CACNG2: variants seen among roughly 807,000 people sequenced by gnomAD.
The protein encoded by CACNG2 is voltage-dependent calcium channel gamma-2 subunit.
In CACNG2, 3 loss-of-function variants were observed where a neutral mutation model predicts 25.9. The observed-to-expected ratio is 0.12, with a 90% CI of 0.05 to 0.30. The LOEUF is 0.30. CACNG2 is among the 10% of genes least tolerant of loss of function. CACNG2 has a pLI of 1.00. For synonymous variants in CACNG2, 167 were observed against 173.3 expected (o/e 0.96, Z 0.29); for missense variants, 341 against 432.5 (o/e 0.79, Z 1.88).
intron 1 of CACNG2, among the ~76,000 whole-genome samples, chr22:36,679,181 C>CTTT (rs1569049785): frequency 1.6e-5 from 2 of 127,128 alleles, no homozygotes; most frequent in African/African-American, 7.2e-5. Flanking sequence ...TTCCTTCCTT[C>CTTT]CTTCCTTCCT....
chr22:36,664,233 C>T (rs1354882623), intron 1 of CACNG2, among the ~76,000 whole-genome samples: 1 of 152,140 alleles, frequency 6.6e-6, no homozygotes, highest in Admixed American at 6.5e-5. Context: ...GACACACACA[C>T]ACACCCATAC....
chr22:36,665,465 T>C, intron 1 of CACNG2, among the ~76,000 whole-genome samples: 1 of 152,218 alleles, frequency 6.6e-6, no homozygotes, highest in Non-Finnish European at 1.5e-5. Context: ...TGAGCTGCTT[T>C]CATTATTTTA....
intron 1 of CACNG2, among the ~76,000 whole-genome samples, chr22:36,619,224 A>T (rs2283992): frequency 0.53 from 80,521 of 152,034 alleles, 23,321 homozygotes; most frequent in Non-Finnish European, 0.64. Context: ...CTGCACTAGG[A>T]TTTCTCAAAT....
intron 2 of CACNG2, among the ~76,000 whole-genome samples, chr22:36,580,527 T>C (rs1052097761): frequency 1.3e-5 from 2 of 152,084 alleles, no homozygotes; most frequent in Non-Finnish European, 1.5e-5. Context: ...TGTGGCCTGG[T>C]GATCCCCCCA....
chr22:36,679,974 TATC>T (rs1325549898), intron 1 of CACNG2, among the ~76,000 whole-genome samples: 3 of 151,518 alleles, frequency 2.0e-5, no homozygotes, highest in Non-Finnish European at 4.4e-5. Context: ...TCACAATCAT[TATC>T]ATCACCATCA....
intron 1 of CACNG2, among the ~76,000 whole-genome samples, chr22:36,668,361 T>A (rs1175303072): frequency 6.6e-6 from 1 of 152,206 alleles, no homozygotes; most frequent in African/African-American, 2.4e-5. Context: ...AGCGGAGACT[T>A]ATTACAGGAA....
At chr22:36,597,151 T>C (rs762144632) in intron 1 of CACNG2, among the ~76,000 whole-genome samples, 2 of 152,194 alleles carry the variant, frequency 1.3e-5, no homozygotes, top group Non-Finnish European at 2.9e-5. Context: ...GCCTCCCAAG[T>C]AGCTGGGATT....
chr22:36,689,283 T>C (rs1468928628), intron 1 of CACNG2, among the ~76,000 whole-genome samples: 1 of 152,160 alleles, frequency 6.6e-6, no homozygotes, highest in East Asian at 1.9e-4. Context: ...TCTCAGTCCC[T>C]GGGCTATGGC....
At chr22:36,566,620 G>T in intron 2 of CACNG2, 127 bp from the exon 3 acceptor site, 2 of 1,029,702 alleles carry the variant, frequency 1.9e-6, no homozygotes, top group Non-Finnish European at 3.0e-6. Context: ...AGGAGAGGTT[G>T]CTTTGCAATC....
intron 1 of CACNG2, among the ~76,000 whole-genome samples, chr22:36,665,279 C>T (rs1936860444): frequency 6.6e-6 from 1 of 152,192 alleles, no homozygotes; most frequent in African/African-American, 2.4e-5. Context: ...CTGCTCTGTT[C>T]CTTCCTATGT....
At chr22:36,689,077 C>T (rs1481735316) in intron 1 of CACNG2, among the ~76,000 whole-genome samples, 2 of 152,144 alleles carry the variant, frequency 1.3e-5, no homozygotes, top group Non-Finnish European at 2.9e-5. Flanking sequence ...CCTTTAGGAC[C>T]TCTTTCCTGA....
intron 1 of CACNG2, among the ~76,000 whole-genome samples, chr22:36,603,796 A>G (rs1308630630): frequency 1.3e-5 from 2 of 152,224 alleles, no homozygotes; most frequent in Admixed American, 6.5e-5. Flanking sequence ...TCCAAATATT[A>G]CTGCTCATTT....
chr22:36,564,950 G>C lies in CACNG2; in HGVS notation c.437-64C>G. 6.8e-7 allele frequency: 1 copy of C among 1,471,966 alleles called. No homozygotes were observed. Among genetic ancestry groups the C allele is most frequent in the South Asian group, 1.1e-5 (1 of 88,318 alleles). 91.2% of individuals were successfully genotyped at this position (1,471,966 alleles called of 1,614,324 possible). Reference sequence around the variant, plus strand: ...AAGGACGTTAGTTTCTCAGGAAGTCGGCCACAGGGCAGCCGTAAAGGACGG... The same window carrying C: ...AAGGACGTTAGTTTCTCAGGAAGTCCGCCACAGGGCAGCCGTAAAGGACGG... On this transcript the variant is annotated intron_variant, in intron 3 of 3. Coordinates refer to ENST00000300105, the MANE Select transcript of CACNG2 (RefSeq NM_006078.5). The surrounding 1 kb of genome is among the most constrained non-coding windows in gnomAD (Gnocchi z 6.7).
chr22:36,564,218 GTTTTTTTGT>G lies in CACNG2; in HGVS notation c.*124_*132del, dbSNP rs1555892137. 2.7e-6 allele frequency: 2 copies of G among 731,878 alleles called. No individual in the cohort carries two copies. Among genetic ancestry groups the G allele is most frequent in the African/African-American group, 1.8e-5 (1 of 54,760 alleles). The allele number at this position is 731,878 out of a possible 1,614,324, so 45.3% of individuals were successfully genotyped here. On this transcript the variant is annotated 3_prime_UTR_variant, in exon 4 of 4. Coordinates refer to ENST00000300105, the MANE Select transcript of CACNG2 (RefSeq NM_006078.5). This position sits in a 1 kb window ranked among gnomAD's most constrained non-coding sequence, Gnocchi z 6.7. The stretch of plus-strand genomic sequence containing the variant: ...GTGTGTGTGTGTTTTTTTGTTTTTT[GTTTTTTTGT>G]TTTTTTTGTTTTTTGTTTTTGCTTT...
intron 2 of CACNG2, among the ~76,000 whole-genome samples, chr22:36,568,333 A>G (rs1275581946): frequency 6.6e-6 from 1 of 152,176 alleles, no homozygotes; most frequent in Non-Finnish European, 1.5e-5. Flanking sequence ...AGTGTGTTCA[A>G]GAAGGATCTG....
At chr22:36,637,416 A>G (rs371705542) in intron 1 of CACNG2, among the ~76,000 whole-genome samples, 1 of 152,076 alleles carries the variant, frequency 6.6e-6, no homozygotes, top group African/African-American at 2.4e-5. Flanking sequence ...GCCAGCCTGC[A>G]TTTTCTCTTT....
At chr22:36,568,220 G>C (rs1465917031) in intron 2 of CACNG2, among the ~76,000 whole-genome samples, 1 of 152,124 alleles carries the variant, frequency 6.6e-6, no homozygotes, top group Non-Finnish European at 1.5e-5. Context: ...AGGACCCTTT[G>C]GCCAAGCCCA....
chr22:36,619,810 C>T (rs1936078758), intron 1 of CACNG2, among the ~76,000 whole-genome samples: 1 of 152,200 alleles, frequency 6.6e-6, no homozygotes, highest in Non-Finnish European at 1.5e-5. Context: ...GTTTAGTCTT[C>T]CTAAGGTAAA....
At chr22:36,697,943 G>A (rs73154807) in intron 1 of CACNG2, among the ~76,000 whole-genome samples, 137 of 152,254 alleles carry the variant, frequency 9.0e-4, no homozygotes, top group Non-Finnish European at 1.7e-3. Flanking sequence ...CTGTGTGCAT[G>A]GATCATTTTT....
Sources: gnomAD v4.1 joint callset for allele counts (sites outside exome capture counted in the v4.1 genomes callset) on GRCh38, gnomAD v4.1.1 for gene constraint, Gnocchi (gnomAD v3.1) non-coding constraint, MANE v1.5 for transcripts, NCBI Gene and HGNC (gene_info 2026-07-23, HGNC 2026-07-21) for gene names.